Variants in UTRN observed in about 807,000 individuals in gnomAD.
UTRN encodes dystrophin-related protein 1.
Under a neutral mutation model 463.9 loss-of-function variants are expected in UTRN, and 283 were observed. The observed-to-expected ratio is 0.61, with a 90% CI of 0.55 to 0.67. The LOEUF (loss-of-function observed/expected upper bound fraction) is 0.67. Ranked by LOEUF, UTRN falls within the 30% of genes least tolerant of loss-of-function variation. The pLI is 0.00. For synonymous variants in UTRN, 1,442 were observed against 1,431.5 expected (o/e 1.01, Z -0.17); for missense variants, 3,922 against 4,084.3 (o/e 0.96, Z 1.08).
At chr6:144,611,929 A>C (rs1292013881) in intron 51 of UTRN, among the ~76,000 whole-genome samples, 2 of 152,232 alleles carry the variant, frequency 1.3e-5, no homozygotes, top group Non-Finnish European at 2.9e-5. Flanking sequence ...AACAAAAAAC[A>C]AAGCTGGAAG....
At chr6:144,772,591 A>G (rs1794196627) in intron 59 of UTRN, among the ~76,000 whole-genome samples, 1 of 152,216 alleles carries the variant, frequency 6.6e-6, no homozygotes, top group Non-Finnish European at 1.5e-5. Context: ...CAAAAAATAT[A>G]TATAGATATA....
At chr6:144,551,950 C>T (rs1798957322) in intron 48 of UTRN, among the ~76,000 whole-genome samples, 1 of 152,132 alleles carries the variant, frequency 6.6e-6, no homozygotes, top group Non-Finnish European at 1.5e-5. Context: ...TCTTCTGGTC[C>T]CTGGTGAATG....
At chr6:144,538,823 T>A (rs559420201) in intron 44 of UTRN, among the ~76,000 whole-genome samples, 93 of 152,252 alleles carry the variant, frequency 6.1e-4, no homozygotes, top group African/African-American at 2.1e-3. Context: ...TGATGAAAAA[T>A]ATTTTGTGGA....
At chr6:144,829,012 C>T (rs1273303653) in intron 69 of UTRN, among the ~76,000 whole-genome samples, 157 bp downstream of exon 69, 1 of 152,020 alleles carries the variant, frequency 6.6e-6, no homozygotes, top group African/African-American at 2.4e-5. Flanking sequence ...TGCTTTCAAA[C>T]CATGATAGTA....
chr6:144,335,164 C>G (rs1776624898), intron 2 of UTRN, among the ~76,000 whole-genome samples: 1 of 152,178 alleles, frequency 6.6e-6, no homozygotes, highest in Non-Finnish European at 1.5e-5. Flanking sequence ...ACTGGACATT[C>G]TCTGGCAGAG....
chr6:144,347,971 G>A (rs1267052288), intron 2 of UTRN, among the ~76,000 whole-genome samples: 1 of 151,578 alleles, frequency 6.6e-6, no homozygotes, highest in African/African-American at 2.4e-5. Flanking sequence ...AGTCTCCTGA[G>A]TAGCTGGGAC....
intron 49 of UTRN, 132 bp downstream of exon 49, chr6:144,555,025 T>A: frequency 3.6e-6 from 4 of 1,115,566 alleles, no homozygotes; most frequent in Non-Finnish European, 5.0e-6. Flanking sequence ...TAATGAAATT[T>A]ATATGAAGAA....
chr6:144,644,753 T>C (rs1332994496), intron 51 of UTRN, among the ~76,000 whole-genome samples: 4 of 152,126 alleles, frequency 2.6e-5, no homozygotes, highest in Non-Finnish European at 5.9e-5. Context: ...GATGTAAGAG[T>C]TGCCAGTACC....
At chr6:144,535,035 A>C (rs1041749220) in intron 43 of UTRN, among the ~76,000 whole-genome samples, 2 of 152,154 alleles carry the variant, frequency 1.3e-5, no homozygotes, top group Non-Finnish European at 2.9e-5. Context: ...ATGTCATGCT[A>C]TTCAGTTTGC....
At chr6:144,632,265 A>G (rs766623865) in intron 51 of UTRN, among the ~76,000 whole-genome samples, 6 of 152,184 alleles carry the variant, frequency 3.9e-5, no homozygotes, top group Non-Finnish European at 5.9e-5. Context: ...ATTCTGTTCT[A>G]TAATTGTATC....
intron 51 of UTRN, among the ~76,000 whole-genome samples, chr6:144,673,663 G>C (rs925216576): frequency 6.6e-6 from 1 of 152,012 alleles, no homozygotes; most frequent in East Asian, 1.9e-4. Context: ...TGAGATGTGA[G>C]GTACTATTCT....
chr6:144,516,279 A>G lies in UTRN; in HGVS notation c.5295A>G (p.Thr1765=). The part of the protein sequence containing the change: ...PLYQCLVTTE[T]FETGVPFSDL... ...ACCAATGTTTGGTCACCACTGAAAC[A>G]TTTGAAACTGGTGTGCCTTTCTCTG... Residue 1765 remains threonine, a synonymous_variant, in exon 38 of 75, where the codon ACA becomes ACG. Transcript: ENST00000367545. 6.2e-7 allele frequency: 1 copy of G among 1,613,948 alleles called. No individual in the cohort carries two copies. Among genetic ancestry groups the G allele is most frequent in the African/African-American group, 1.3e-5 (1 of 75,052 alleles).
intron 18 of UTRN, among the ~76,000 whole-genome samples, chr6:144,453,490 C>A (rs1788528731): frequency 6.6e-6 from 1 of 152,134 alleles, no homozygotes; most frequent in Non-Finnish European, 1.5e-5. Flanking sequence ...ATTCTTTTGA[C>A]TCAAACCATT....
At chr6:144,730,145 T>G (rs1788361960) in intron 53 of UTRN, among the ~76,000 whole-genome samples, 1 of 152,262 alleles carries the variant, frequency 6.6e-6, no homozygotes, top group South Asian at 2.1e-4. Flanking sequence ...TCTTTTTTTG[T>G]ATACTTAACG....
intron 51 of UTRN, among the ~76,000 whole-genome samples, chr6:144,607,658 A>G (rs1355610624): frequency 2.0e-5 from 3 of 152,116 alleles, no homozygotes. Flanking sequence ...TCATCAGTAC[A>G]CTTAGAGATG....
chr6:144,501,223 G>A (rs182992779), intron 34 of UTRN, among the ~76,000 whole-genome samples: 1 of 152,342 alleles, frequency 6.6e-6, no homozygotes, highest in East Asian at 1.9e-4. Flanking sequence ...AGCATTGCAA[G>A]TCATCGGTGT....
chr6:144,753,726 G>C (rs549601986), intron 56 of UTRN, among the ~76,000 whole-genome samples: 1 of 151,526 alleles, frequency 6.6e-6, no homozygotes, highest in Admixed American at 6.6e-5. Context: ...AATTAACCCG[G>C]CATGATTGCA....
At chr6:144,556,111 G>A (rs1467706380) in intron 49 of UTRN, among the ~76,000 whole-genome samples, 1 of 152,156 alleles carries the variant, frequency 6.6e-6, no homozygotes, top group Non-Finnish European at 1.5e-5. Context: ...TGAATTGGAG[G>A]TTTTAGTTGT....
chr6:144,324,880 A>G (rs1020476592), intron 2 of UTRN, among the ~76,000 whole-genome samples: 3 of 152,194 alleles, frequency 2.0e-5, no homozygotes, highest in Non-Finnish European at 4.4e-5. Flanking sequence ...CCTCTGATTG[A>G]AAGTTGCCAG....
Sources: allele counts gnomAD v4.1 joint callset (sites outside exome capture counted in the v4.1 genomes callset), GRCh38; gene constraint gnomAD v4.1.1; transcripts MANE v1.5; gene names NCBI Gene and HGNC (gene_info 2026-07-23, HGNC 2026-07-21).